Variants in SP100 observed in about 807,000 individuals in gnomAD.
SP100 encodes nuclear autoantigen Sp-100.
A neutral mutation model predicts 130.0 loss-of-function variants in SP100; 84 were observed. That is an observed-to-expected ratio of 0.65 (90% CI 0.54 to 0.77). The LOEUF (loss-of-function observed/expected upper bound fraction) is 0.77, where lower values mean the gene tolerates loss of function less well. Among genes scored for constraint, SP100 ranks in the 30% least tolerant of loss-of-function variants. SP100 has a pLI of 0.00. For missense variants in SP100, 978 were observed against 1,052.2 expected (o/e 0.93, Z 0.97); for synonymous variants, 331 against 351.7 (o/e 0.94, Z 0.66).
chr2:230,540,968 T>G lies in SP100; in HGVS notation c.2303T>G (p.Met768Arg). 1 of 1,613,410 alleles carries G rather than the reference T, an allele frequency of 6.2e-7. No individual in the cohort carries two copies. Among genetic ancestry groups the G allele is most frequent in the Admixed American group, 1.7e-5 (1 of 60,000 alleles). Residue 768 changes from methionine to arginine, a missense_variant, in exon 26 of 29, where the codon ATG (methionine) becomes AGG (arginine). By Grantham distance (91) the Met-to-Arg change is moderately conservative (BLOSUM62 -1). Coordinates refer to ENST00000340126, the MANE Select transcript of SP100 (RefSeq NM_001080391.2). Reference sequence around the variant, plus strand: ...GGTCATCAGGAATCTGAAGTCCTGATGAGGCAGATGCTGCCTGAGGAGCAG... The same window carrying G: ...GGTCATCAGGAATCTGAAGTCCTGAGGAGGCAGATGCTGCCTGAGGAGCAG... ...QSGHQESEVL[M>R]RQMLPEEQLK...
chr2:230,515,741 A>G, intron 24 of SP100: 1 of 1,514,000 alleles, frequency 6.6e-7, no homozygotes, highest in African/African-American at 1.4e-5. Flanking sequence ...AAGACTGTGT[A>G]AGATTTGTTT....
intron 24 of SP100, chr2:230,515,486 A>T: frequency 6.2e-7 from 1 of 1,613,596 alleles, no homozygotes; most frequent in African/African-American, 1.3e-5. Context: ...AAGGAAAAAT[A>T]CAAAAAGGAT....
chr2:230,536,472 TTCTC>T, intron 24 of SP100, among the ~76,000 whole-genome samples: 1 of 152,258 alleles, frequency 6.6e-6, no homozygotes, highest in African/African-American at 2.4e-5. Context: ...TCTGAGTTCT[TTCTC>T]AGGAAACCAA....
chr2:230,477,450 A>G (rs1029665571), intron 17 of SP100, among the ~76,000 whole-genome samples: 2 of 152,160 alleles, frequency 1.3e-5, no homozygotes, highest in African/African-American at 4.8e-5. Context: ...ATTTGATTCT[A>G]GAAGTTTGAT....
intron 24 of SP100, among the ~76,000 whole-genome samples, chr2:230,534,393 G>A (rs1048335257): frequency 2.0e-5 from 3 of 152,172 alleles, no homozygotes; most frequent in African/African-American, 7.2e-5. Flanking sequence ...GTGACAGAGC[G>A]AGACTCCGTC....
At chr2:230,496,315 A>C (rs2066664183) in intron 18 of SP100, among the ~76,000 whole-genome samples, 1 of 152,214 alleles carries the variant, frequency 6.6e-6, no homozygotes, top group Non-Finnish European at 1.5e-5. Flanking sequence ...TTTTAGCGGT[A>C]ATATCTCATT....
chr2:230,515,799 T>G (rs1690885725), intron 24 of SP100: 1 of 1,454,192 alleles, frequency 6.9e-7, no homozygotes, highest in African/African-American at 1.4e-5. Context: ...CTACCGAATG[T>G]GTCTTCAGAT....
intron 6 of SP100, 76 bp from the exon 7 acceptor site, chr2:230,449,485 C>T (rs896776825): frequency 2.3e-5 from 35 of 1,516,060 alleles, no homozygotes; most frequent in African/African-American, 2.7e-5. Flanking sequence ...ATCAGTGGCC[C>T]GTGCTGTAGT....
intron 24 of SP100, among the ~76,000 whole-genome samples, chr2:230,526,203 T>C (rs573093545): frequency 1.6e-4 from 24 of 152,206 alleles, no homozygotes; most frequent in African/African-American, 5.5e-4. Flanking sequence ...GGATGAACCT[T>C]CCAGAGGAAG....
chr2:230,545,437 T>C lies in SP100; in HGVS notation c.*2491T>C, dbSNP rs1393314814. 6.6e-6 allele frequency among the ~76,000 whole-genome samples: 1 copy of C among 152,066 alleles called. No individual in the cohort carries two copies. Among genetic ancestry groups the C allele is most frequent in the Admixed American group, 6.6e-5 (1 of 15,264 alleles). ...CTAGGGTCTACTTGAGGGTGGAGGA[T>C]GGGAAGAGGGAGAGGAGCAGAAAAA... On this transcript the variant is annotated 3_prime_UTR_variant, in exon 29 of 29. Coordinates refer to ENST00000340126, the MANE Select transcript of SP100 (RefSeq NM_001080391.2).
chr2:230,504,313 G>A (rs367869745), intron 21 of SP100, 23 bp downstream of exon 21: 10 of 1,348,140 alleles, frequency 7.4e-6, no homozygotes, highest in South Asian at 6.1e-5. Flanking sequence ...GTCCATCTAC[G>A]ATTTTCAGCT....
intron 2 of SP100, among the ~76,000 whole-genome samples, chr2:230,425,261 T>C (rs12694867): frequency 0.24 from 36,451 of 152,100 alleles, 4,654 homozygotes; most frequent in Non-Finnish European, 0.29. Context: ...ATCCATCTTA[T>C]AACTGAAAGT....
rs561128364 is a variant in SP100, at chr2:230,434,675, A to G, written c.108-8262A>G. ...AGGGGATTGTGATTGTGATTTTTAG[A>G]TAGGTTGGTCAAAGCAGGCCTCATT... On this transcript the variant is annotated intron_variant, in intron 2 of 28. Coordinates refer to ENST00000340126, the MANE Select transcript of SP100 (RefSeq NM_001080391.2). Among the ~76,000 whole-genome samples, 195 of 152,164 alleles carry G rather than the reference A, an allele frequency of 1.3e-3. 2 individuals are homozygous for G. Among genetic ancestry groups the G allele is most frequent in the African/African-American group, 4.3e-3 (179 of 41,500 alleles).
At chr2:230,458,994 C>A (rs765412182) in intron 8 of SP100, among the ~76,000 whole-genome samples, 3 of 152,132 alleles carry the variant, frequency 2.0e-5, no homozygotes, top group African/African-American at 2.4e-5. Flanking sequence ...CAGGGCACAG[C>A]ATGTAAGGAG....
Position 230,461,399 on chromosome 2 carries a change from G to A in SP100, c.958G>A (p.Ala320Thr), listed in dbSNP as rs2064617253. ...QAQARTHHNQ[A>T]SDIIVISSED... ...CCAAGCAAGAACTCATCATAACCAG[G>A]CATCTGACATAATAGGTAAGGCTGA... is the stretch of plus-strand genomic sequence containing the variant. The change falls in exon 9 of 29, where the codon GCA becomes ACA. Residue 320 changes from alanine (A) to threonine (T), a missense_variant. Transcript: ENST00000340126. 6.2e-7 allele frequency: 1 copy of A among 1,614,104 alleles called. No homozygotes were observed. Among genetic ancestry groups the A allele is most frequent in the Non-Finnish European group, 8.5e-7 (1 of 1,179,986 alleles).
At chr2:230,477,198 T>G (rs1225199109) in intron 17 of SP100, among the ~76,000 whole-genome samples, 17 of 152,150 alleles carry the variant, frequency 1.1e-4, no homozygotes, top group Admixed American at 1.1e-3. Flanking sequence ...GTTTTTCTTA[T>G]TATTCTGAAT....
At chr2:230,421,268 T>C (rs1171428899) in intron 2 of SP100, among the ~76,000 whole-genome samples, 3 of 152,108 alleles carry the variant, frequency 2.0e-5, no homozygotes, top group Non-Finnish European at 4.4e-5. Flanking sequence ...GCACATTGGG[T>C]AATTTATCAA....
At chr2:230,525,227 G>C (rs1691365954) in intron 24 of SP100, among the ~76,000 whole-genome samples, 1 of 152,184 alleles carries the variant, frequency 6.6e-6, no homozygotes, top group Non-Finnish European at 1.5e-5. Flanking sequence ...GATGGTCTGT[G>C]TAAGCCATAG....
In SP100 at chr2:230,450,195, C is replaced by A; in HGVS notation, c.760C>A (p.Gln254Lys). The A allele has an allele frequency of 6.2e-7, 1 of 1,613,684 alleles. No individual in the cohort carries two copies. The highest frequency in any genetic ancestry group is 8.5e-7 in the Non-Finnish European group (1 of 1,179,712). Residue 254 changes from glutamine (Q) to lysine (K), a missense_variant, in exon 8 of 29, where the codon CAA becomes AAA. Transcript: ENST00000340126. Reference protein sequence around the residue: ...PTESCEQIAVQVNNGDAGREM... With the variant: ...PTESCEQIAVKVNNGDAGREM... Reference sequence around the variant, plus strand: ...AGAGTCCTGCGAACAAATTGCTGTCCAAGTGAATAATGGGGATGCTGGAAG... The same window carrying A: ...AGAGTCCTGCGAACAAATTGCTGTCAAAGTGAATAATGGGGATGCTGGAAG...
Sources: gnomAD v4.1 joint callset for allele counts (sites outside exome capture counted in the v4.1 genomes callset) on GRCh38, gnomAD v4.1.1 for gene constraint, MANE v1.5 for transcripts, NCBI Gene and HGNC (gene_info 2026-07-23, HGNC 2026-07-21) for gene names.